Variants in RNF217 observed in about 807,000 individuals in gnomAD.
RNF217 encodes E3 ubiquitin-protein ligase RNF217.
A neutral mutation model predicts 57.8 loss-of-function variants in RNF217; 31 were observed. The observed-to-expected ratio is 0.54, with a 90% CI of 0.40 to 0.72. The LOEUF (loss-of-function observed/expected upper bound fraction) is 0.72. Ranked by LOEUF, RNF217 falls within the 30% of genes least tolerant of loss-of-function variation. The probability of loss-of-function intolerance (pLI) is 0.00; values close to 1 mark genes in which losing one functional copy is unlikely to be tolerated. For synonymous variants in RNF217, 313 were observed against 294.0 expected, an observed-to-expected ratio of 1.06 and a Z score of -0.66; for missense variants, 696 against 708.3, an observed-to-expected ratio of 0.98 and a Z score of 0.20.
chr6:124,967,653 T>G (rs886515630), intron 1 of RNF217, among the ~76,000 whole-genome samples: 9 of 152,202 alleles, frequency 5.9e-5, no homozygotes, highest in African/African-American at 1.9e-4. Flanking sequence ...TGCTAGATGA[T>G]AAAGTCCTAA....
chr6:125,015,840 A>T (rs1301499898), intron 1 of RNF217, among the ~76,000 whole-genome samples: 1 of 152,184 alleles, frequency 6.6e-6, no homozygotes, highest in African/African-American at 2.4e-5. Context: ...AAACAACTTC[A>T]AAGTCCAGCA....
chr6:125,030,014 C>T (rs1786281379), intron 1 of RNF217, among the ~76,000 whole-genome samples: 1 of 152,018 alleles, frequency 6.6e-6, no homozygotes, highest in Admixed American at 6.6e-5. Context: ...GCTGGGGAGG[C>T]CTCAGAATCA....
At chr6:124,989,238 G>A (rs1185861780) in intron 1 of RNF217, among the ~76,000 whole-genome samples, 3 of 152,102 alleles carry the variant, frequency 2.0e-5, no homozygotes, top group African/African-American at 7.2e-5. Flanking sequence ...ATGTTGTCAT[G>A]TATTGTATTC....
intron 1 of RNF217, among the ~76,000 whole-genome samples, chr6:124,991,872 A>T (rs983604854): frequency 6.6e-6 from 1 of 152,116 alleles, no homozygotes; most frequent in East Asian, 1.9e-4. Context: ...TGGCTGCTGT[A>T]TTTGACCACT....
chr6:125,063,927 T>C (rs991390981), intron 3 of RNF217, among the ~76,000 whole-genome samples: 4 of 152,198 alleles, frequency 2.6e-5, no homozygotes, highest in African/African-American at 7.2e-5. Context: ...TTCAATCCTA[T>C]AATAGAATGC....
intron 3 of RNF217, among the ~76,000 whole-genome samples, chr6:125,071,817 A>G (rs538325794): frequency 6.5e-4 from 99 of 152,302 alleles, no homozygotes; most frequent in Non-Finnish European, 1.2e-3. Context: ...TTCATGATTT[A>G]TGAGTGGCCA....
chr6:124,962,733 C>A lies in RNF217; in HGVS notation c.189C>A (p.Asp63Glu), dbSNP rs1783333450. The A allele has an allele frequency of 3.2e-6, 5 of 1,566,448 alleles. No individual in the cohort carries two copies. The highest frequency in any genetic ancestry group is 4.3e-6 in the Non-Finnish European group (5 of 1,166,014). ...GCGGAAGCGACTGGGGCTGCGCGGA[C>A]ACCAGCGCCCCAGAGCCCGCGAGGA... ...GGCGSDWGCA[D>E]TSAPEPARSL... Residue 63 changes from aspartate to glutamate, a missense_variant, in exon 1 of 6, where the codon GAC becomes GAA. Physicochemically the swap from Asp to Glu is conservative, Grantham distance 45. This residue lies in a region of RNF217 where 465 missense variants were observed against 386.8 expected (regional missense o/e 1.20). Transcript: ENST00000521654. The surrounding 1 kb of genome is among the most constrained non-coding windows in gnomAD (Gnocchi z 4.6).
chr6:125,008,324 G>A (rs545818164), intron 1 of RNF217, among the ~76,000 whole-genome samples: 1 of 152,122 alleles, frequency 6.6e-6, no homozygotes, highest in South Asian at 2.1e-4. Flanking sequence ...TCCTATTTTG[G>A]GACCATAGTT....
Position 124,993,564 on chromosome 6 carries a change from A to G in RNF217, c.882+30138A>G, listed in dbSNP as rs186508779. On this transcript the variant is annotated intron_variant, in intron 1 of 5. Transcript: ENST00000521654. ...CACTATTCCAGATCTTGGCAGTGCA[A>G]AGGTGAACCTGACATGTTTTTAAGT... Among the ~76,000 whole-genome samples, 523 of 152,248 alleles carry G rather than the reference A, an allele frequency of 3.4e-3. 2 individuals are homozygous for G. The highest frequency in any genetic ancestry group is 0.012 in the African/African-American group (495 of 41,560).
Position 125,084,411 on chromosome 6 carries a change from A to T in RNF217, c.*1474A>T, listed in dbSNP as rs1337256327. 6.6e-6 allele frequency: 1 copy of T among 151,978 alleles called. No homozygotes were observed. Among genetic ancestry groups the T allele is most frequent in the Non-Finnish European group, 1.5e-5 (1 of 67,902 alleles). 9.4% of individuals were successfully genotyped at this position (151,978 alleles called of 1,614,324 possible). ...CAAAAGTTCATCAGCAAACAGGAAA[A>T]AAAAAGACCCCTAAAAAGCCTAAAG... is the stretch of plus-strand genomic sequence containing the variant. On this transcript the variant is annotated 3_prime_UTR_variant, in exon 6 of 6. Coordinates refer to ENST00000521654, the MANE Select transcript of RNF217 (RefSeq NM_001286398.3).
chr6:125,011,030 C>T (rs11753660), intron 1 of RNF217, among the ~76,000 whole-genome samples: 37,711 of 152,046 alleles, frequency 0.25, 4,921 homozygotes, highest in African/African-American at 0.33. Context: ...CTTTAGATTT[C>T]TTACATCACT....
chr6:125,025,622 A>C (rs1490712434), intron 1 of RNF217, among the ~76,000 whole-genome samples: 1 of 148,684 alleles, frequency 6.7e-6, no homozygotes, highest in Non-Finnish European at 1.5e-5. Flanking sequence ...CTCCCTTATG[A>C]GTGGGGAACA....
chr6:124,989,140 T>A (rs1288232963), intron 1 of RNF217, among the ~76,000 whole-genome samples: 1 of 152,196 alleles, frequency 6.6e-6, no homozygotes, highest in Non-Finnish European at 1.5e-5. Flanking sequence ...TGAAGTTCTG[T>A]GTGATGGAAT....
chr6:124,968,652 TA>T (rs1439526612), intron 1 of RNF217, among the ~76,000 whole-genome samples: 10 of 152,176 alleles, frequency 6.6e-5, no homozygotes, highest in Non-Finnish European at 1.5e-4. Flanking sequence ...TTCCACTGCC[TA>T]AAATATCTCA....
At chr6:125,072,998 A>G (rs972264908) in intron 3 of RNF217, among the ~76,000 whole-genome samples, 7 of 152,266 alleles carry the variant, frequency 4.6e-5, no homozygotes, top group Non-Finnish European at 7.3e-5. Flanking sequence ...TGCTTGGCAC[A>G]TAATAGGCTC....
intron 1 of RNF217, among the ~76,000 whole-genome samples, chr6:124,991,745 A>C (rs1169024910): frequency 1.3e-5 from 2 of 152,162 alleles, no homozygotes; most frequent in Non-Finnish European, 2.9e-5. Flanking sequence ...TTTATGTTAT[A>C]AATAGTTTCT....
chr6:124,985,833 G>A (rs1784347468), intron 1 of RNF217, among the ~76,000 whole-genome samples: 1 of 152,130 alleles, frequency 6.6e-6, no homozygotes, highest in Non-Finnish European at 1.5e-5. Context: ...GAAGCAGAAT[G>A]ATAAAATATT....
intron 1 of RNF217, among the ~76,000 whole-genome samples, chr6:125,009,684 T>C (rs146237967): frequency 1.6e-4 from 25 of 152,186 alleles, no homozygotes; most frequent in African/African-American, 5.5e-4. Flanking sequence ...ATGATCCCTC[T>C]AAAAACGTAG....
chr6:124,979,021 G>C (rs1339328486), intron 1 of RNF217, among the ~76,000 whole-genome samples: 1 of 152,130 alleles, frequency 6.6e-6, no homozygotes, highest in African/African-American at 2.4e-5. Flanking sequence ...TGGCTAACAG[G>C]TATCATCCAG....
Sources: allele counts gnomAD v4.1 joint callset (sites outside exome capture counted in the v4.1 genomes callset), GRCh38; gene constraint gnomAD v4.1.1; regional missense constraint gnomAD v4.1.1; non-coding constraint Gnocchi (gnomAD v3.1); transcripts MANE v1.5; gene names NCBI Gene and HGNC (gene_info 2026-07-23, HGNC 2026-07-21).